The following DENND1A variants were observed in gnomAD, a reference collection of about 807,000 sequenced individuals.
The protein encoded by DENND1A is DENN domain-containing protein 1A.
A neutral mutation model predicts 113.7 loss-of-function variants in DENND1A; 51 were observed. That is an observed-to-expected ratio of 0.45 (90% CI 0.36 to 0.57). The LOEUF is 0.57. DENND1A is among the 20% of genes least tolerant of loss of function. The pLI, the probability that DENND1A is intolerant of heterozygous loss-of-function variation, is 0.00. For missense variants in DENND1A, 1,258 were observed against 1,395.9 expected (o/e 0.90, Z 1.57); for synonymous variants, 565 against 570.8 (o/e 0.99, Z 0.14).
intron 19 of DENND1A, among the ~76,000 whole-genome samples, chr9:123,428,005 T>TA (rs1003008600): frequency 6.6e-6 from 1 of 151,766 alleles, no homozygotes; most frequent in African/African-American, 2.4e-5. Flanking sequence ...TGAGGCAAAA[T>TA]AAAAAAATGG....
At chr9:123,732,556 G>A (rs927328678) in intron 5 of DENND1A, among the ~76,000 whole-genome samples, 1 of 152,200 alleles carries the variant, frequency 6.6e-6, no homozygotes, top group Non-Finnish European at 1.5e-5. Context: ...CAACACAAGA[G>A]AACTGGAGTG....
intron 13 of DENND1A, chr9:123,492,582 G>A (rs968617012): frequency 1.3e-5 from 2 of 152,194 alleles, no homozygotes; most frequent in Admixed American, 1.3e-4. Flanking sequence ...GGACATAGGA[G>A]AGTTTTAGGA....
intron 2 of DENND1A, among the ~76,000 whole-genome samples, chr9:123,830,516 A>T (rs575583287): frequency 5.9e-5 from 9 of 152,226 alleles, no homozygotes; most frequent in African/African-American, 1.7e-4. Flanking sequence ...AATTAAAAAA[A>T]CCTATAGCCA....
chr9:123,532,237 G>A (rs2055380151), intron 13 of DENND1A, among the ~76,000 whole-genome samples: 1 of 152,132 alleles, frequency 6.6e-6, no homozygotes, highest in South Asian at 2.1e-4. Context: ...AATCAAGAAT[G>A]TCCTCTTACA....
intron 13 of DENND1A, among the ~76,000 whole-genome samples, chr9:123,510,982 G>A (rs2053410067): frequency 6.6e-6 from 1 of 152,128 alleles, no homozygotes; most frequent in African/African-American, 2.4e-5. Flanking sequence ...TTCCAGTCTT[G>A]GGATTCTCAG....
intron 2 of DENND1A, among the ~76,000 whole-genome samples, chr9:123,876,709 G>A (rs1406457376): frequency 6.6e-6 from 1 of 152,068 alleles, no homozygotes; most frequent in African/African-American, 2.4e-5. Flanking sequence ...ATTCGATCCA[G>A]CAATCCCATT....
At chr9:123,903,900 G>T (rs953735026) in intron 1 of DENND1A, among the ~76,000 whole-genome samples, 10 of 152,144 alleles carry the variant, frequency 6.6e-5, no homozygotes, top group Non-Finnish European at 1.5e-4. Flanking sequence ...TGCCTCTGTA[G>T]GCTCCACCTC....
chr9:123,714,249 GTCTGTGCAGGTA>G (rs1476404585), intron 5 of DENND1A, among the ~76,000 whole-genome samples: 1 of 152,208 alleles, frequency 6.6e-6, no homozygotes, highest in Non-Finnish European at 1.5e-5. Context: ...GGGGAATGCT[GTCTGTGCAGGTA>G]GCTCCTGCCA....
intron 5 of DENND1A, among the ~76,000 whole-genome samples, chr9:123,739,013 T>C (rs1338954620): frequency 6.6e-6 from 1 of 152,206 alleles, no homozygotes; most frequent in African/African-American, 2.4e-5. Context: ...AAACCTTTCG[T>C]GTGGCTTTTA....
chr9:123,536,625 C>T (rs1157562096), intron 13 of DENND1A, among the ~76,000 whole-genome samples: 2 of 152,068 alleles, frequency 1.3e-5, no homozygotes, highest in South Asian at 2.1e-4. Flanking sequence ...GAGACCGAGC[C>T]GTCCAGCCTC....
chr9:123,531,528 T>A (rs1477562326), intron 13 of DENND1A, among the ~76,000 whole-genome samples: 1 of 150,150 alleles, frequency 6.7e-6, no homozygotes, highest in Admixed American at 6.7e-5. Flanking sequence ...ACATTGGCTT[T>A]ATCCTTCTCT....
chr9:123,535,291 A>G (rs2055659680), intron 13 of DENND1A, among the ~76,000 whole-genome samples: 1 of 151,932 alleles, frequency 6.6e-6, no homozygotes, highest in Non-Finnish European at 1.5e-5. Context: ...TAAAATCCAG[A>G]CTCTCACAGC....
At chr9:123,712,701 A>C (rs1176703408) in intron 5 of DENND1A, among the ~76,000 whole-genome samples, 1 of 152,240 alleles carries the variant, frequency 6.6e-6, no homozygotes, top group Non-Finnish European at 1.5e-5. Flanking sequence ...GCTTCTTTTA[A>C]CTGGGTTTAG....
At chr9:123,457,944 G>T in intron 13 of DENND1A, 47 bp from the exon 14 acceptor site, 2 of 1,436,438 alleles carry the variant, frequency 1.4e-6, no homozygotes, top group Non-Finnish European at 1.9e-6. Flanking sequence ...CGGAGCAAGA[G>T]CCATCAGTTT....
intron 2 of DENND1A, among the ~76,000 whole-genome samples, chr9:123,818,611 G>A (rs1464864849): frequency 6.8e-6 from 1 of 147,768 alleles, no homozygotes; most frequent in Non-Finnish European, 1.5e-5. Flanking sequence ...TGGCACCCAA[G>A]TCTAAACACA....
chr9:123,913,086 T>G (rs1006350060), intron 1 of DENND1A, among the ~76,000 whole-genome samples: 23 of 131,862 alleles, frequency 1.7e-4, no homozygotes, highest in African/African-American at 6.5e-4. Context: ...CAGAGCAGTG[T>G]CAGAGAAAGC....
At chr9:123,807,234 C>G (rs1294758850) in intron 2 of DENND1A, among the ~76,000 whole-genome samples, 1 of 151,986 alleles carries the variant, frequency 6.6e-6, no homozygotes, top group African/African-American at 2.4e-5. Flanking sequence ...TCTGAATTTT[C>G]TATATTTTTA....
intron 1 of DENND1A, among the ~76,000 whole-genome samples, chr9:123,898,159 T>G (rs1851066056): frequency 6.6e-6 from 1 of 152,068 alleles, no homozygotes; most frequent in South Asian, 2.1e-4. Flanking sequence ...TCACTGTAGT[T>G]TTAATTTGCA....
Position 123,440,418 on chromosome 9 carries a change from T to A in DENND1A, c.1430A>T (p.Glu477Val). The change falls in exon 19 of 24, where the codon GAG becomes GTG. Residue 477 changes from glutamate (E) to valine (V), a missense_variant. Glu to Val is a moderately radical substitution (Grantham distance 121). Around this residue, in one of 2 missense-constraint regions of DENND1A, gnomAD observed 1,159 missense variants for 1,231.7 expected, o/e 0.94. Transcript: ENST00000394215. ...LPKTAPSPLV[E>V]AKDPKLREDR... is the part of the protein sequence containing the mutation. ...TTCTCGGAGCTTGGGGTCCTTGGCC[T>A]CCACCAGTGGGGACGGTGCAGTCTT... 1.9e-6 allele frequency: 3 copies of A among 1,590,352 alleles called. No homozygotes were observed. Among genetic ancestry groups the A allele is most frequent in the Non-Finnish European group, 1.7e-6 (2 of 1,172,334 alleles).
Sources: gnomAD v4.1 joint callset for allele counts (sites outside exome capture counted in the v4.1 genomes callset) on GRCh38, gnomAD v4.1.1 for gene constraint, gnomAD v4.1.1 regional missense constraint, MANE v1.5 for transcripts, NCBI Gene and HGNC (gene_info 2026-07-23, HGNC 2026-07-21) for gene names.